Variants in LUM observed in about 807,000 individuals in gnomAD.
The protein encoded by LUM is lumican.
LUM carries 13 observed loss-of-function variants against 20.5 expected under a neutral mutation model. The ratio of observed to expected loss-of-function variants is 0.63; its 90% CI spans 0.41 to 1.01. LUM has a LOEUF of 1.01. Ranked by LOEUF, LUM falls within the 50% of genes least tolerant of loss-of-function variation. The pLI is 0.00. For synonymous variants in LUM, 173 were observed against 151.5 expected (o/e 1.14, Z -1.04); for missense variants, 321 against 391.1 (o/e 0.82, Z 1.51).
At chr12:91,105,269 T>G (rs143833238) in intron 2 of LUM, among the ~76,000 whole-genome samples, 1 of 152,172 alleles carries the variant, frequency 6.6e-6, no homozygotes, top group Non-Finnish European at 1.5e-5. Context: ...TGGGCAACAC[T>G]GGAACACTTA....
chr12:91,106,935 G>A (rs978067804), intron 2 of LUM, among the ~76,000 whole-genome samples: 8 of 151,834 alleles, frequency 5.3e-5, no homozygotes, highest in African/African-American at 1.9e-4. Flanking sequence ...ACTTTGGGAG[G>A]CCAAGGCAGA....
rs761403563 is a variant in LUM, at chr12:91,108,388, T to A, written c.592A>T (p.Arg198Ter). 2 of 1,614,196 alleles carry A rather than the reference T, an allele frequency of 1.2e-6. No homozygotes were observed. Among genetic ancestry groups the A allele is most frequent in the Non-Finnish European group, 1.7e-6 (2 of 1,180,026 alleles). ...GAGACAGGGAGACCAGAAGGCAGTC[T>A]GGCTATCTGATTGAAGCTCAAGTCA... ...YLDLSFNQIA[R>*]LPSGLPVSLL... The change falls in exon 2 of 3, where the codon AGA becomes TGA. Residue 198 changes from arginine (R) to a stop codon, truncating the protein, a stop_gained. Transcript: ENST00000266718. LOFTEE classifies it high-confidence loss of function. This position sits in a 1 kb window ranked among gnomAD's most constrained non-coding sequence, Gnocchi z 4.2.
intron 2 of LUM, among the ~76,000 whole-genome samples, chr12:91,104,934 A>C (rs1879998700): frequency 6.6e-6 from 1 of 152,186 alleles, no homozygotes; most frequent in Admixed American, 6.5e-5. Context: ...TCCATGGTCA[A>C]AAAGCTGCCA....
chr12:91,108,932 G>T lies in LUM; in HGVS notation c.48C>A (p.Thr16=). ...AATCATAATCATAGTACTGGCCACT[G>T]GTACCACCAATCAATGCCAGGAAGA... is the stretch of plus-strand genomic sequence containing the variant. ...FTLFLALIGG[T]SGQYYDYDFP... Residue 16 remains threonine, a synonymous_variant, in exon 2 of 3, where the codon ACC becomes ACA. Coordinates refer to ENST00000266718, the MANE Select transcript of LUM (RefSeq NM_002345.4). This position sits in a 1 kb window ranked among gnomAD's most constrained non-coding sequence, Gnocchi z 4.2. 6.2e-7 allele frequency: 1 copy of T among 1,613,420 alleles called. No homozygotes were observed.
chr12:91,109,553 C>G (rs1455155106), intron 1 of LUM, among the ~76,000 whole-genome samples: 1 of 152,064 alleles, frequency 6.6e-6, no homozygotes, highest in Non-Finnish European at 1.5e-5. Flanking sequence ...GGAAGGAGAA[C>G]AGAATTCTTG....
At chr12:91,104,968 G>T (rs1879999106) in intron 2 of LUM, among the ~76,000 whole-genome samples, 1 of 152,094 alleles carries the variant, frequency 6.6e-6, no homozygotes, top group South Asian at 2.1e-4. Context: ...GACTTACTTT[G>T]TAATAGAAAC....
At position 91,104,025 on chromosome 12, in the gene LUM, TA is replaced by T. The variant is rs1297639625; in HGVS notation, c.*139del. On this transcript the variant is annotated 3_prime_UTR_variant, in exon 3 of 3. Transcript: ENST00000266718. ...ATAGGCCTGCCTTTCATCTTTTCTT[TA>T]AAAAAAATAAATGTTTACAAAACAT... 1.2e-4 allele frequency: 84 copies of T among 693,444 alleles called. 1 individual carries two copies. The highest frequency in any genetic ancestry group is 1.0e-3 in the East Asian group (36 of 35,356). 43.0% of individuals were successfully genotyped at this position (693,444 alleles called of 1,614,324 possible). A position where few individuals can be genotyped will look rare whatever the true frequency, so the allele number is the denominator to read the frequency against.
intron 1 of LUM, among the ~76,000 whole-genome samples, chr12:91,109,634 CTG>C (rs1458929754): frequency 6.6e-6 from 1 of 152,082 alleles, no homozygotes; most frequent in Admixed American, 6.6e-5. Flanking sequence ...CATTGCAAAA[CTG>C]TGTTCTGGAA....
chr12:91,108,455 A>G lies in LUM; in HGVS notation c.525T>C (p.Ala175=). 6.2e-7 allele frequency: 1 copy of G among 1,614,146 alleles called. No homozygotes were observed. Among genetic ancestry groups the G allele is most frequent in the Non-Finnish European group, 8.5e-7 (1 of 1,180,008 alleles). ...HLQHNRLKED[A]VSAAFKGLKS... ...TAAGACCTTTAAAAGCAGCTGAAAC[A>G]GCATCCTCTTTCAGCCGATTGTGCT... The change falls in exon 2 of 3, where the codon GCT becomes GCC. Residue 175 remains alanine, a synonymous_variant. Transcript: ENST00000266718. This position sits in a 1 kb window ranked among gnomAD's most constrained non-coding sequence, Gnocchi z 4.2.
intron 2 of LUM, among the ~76,000 whole-genome samples, chr12:91,106,690 T>TTAAAAAAAAAAAAAAAAAAAAAAAA (rs1880038992): frequency 1.1e-5 from 1 of 90,584 alleles, no homozygotes; most frequent in African/African-American, 4.6e-5. Context: ...ATTTTTCTTC[T>TTAAAAAAAAAAAAAAAAAAAAAAAA]AAAAAAAAAA....
At chr12:91,106,711 A>AAAAAAAAAAAAAC (rs398020575) in intron 2 of LUM, among the ~76,000 whole-genome samples, 1 of 147,052 alleles carries the variant, frequency 6.8e-6, no homozygotes, top group Non-Finnish European at 1.5e-5. Context: ...AAAAAAAAAA[A>AAAAAAAAAAAAAC]GATGTTAGAA....
At chr12:91,110,463 T>C (rs1880179389) in intron 1 of LUM, among the ~76,000 whole-genome samples, 1 of 152,158 alleles carries the variant, frequency 6.6e-6, no homozygotes, top group Non-Finnish European at 1.5e-5. Context: ...AAGATTTTAA[T>C]GGGGGCATTT....
At chr12:91,107,999 C>T in intron 2 of LUM, 119 bp downstream of exon 2, 1 of 1,185,632 alleles carries the variant, frequency 8.4e-7, no homozygotes, top group Non-Finnish European at 1.3e-6. Context: ...AGGAATGAGC[C>T]ACAGCGCCCG....
intron 2 of LUM, among the ~76,000 whole-genome samples, chr12:91,105,871 C>T (rs916380165): frequency 1.1e-4 from 16 of 152,166 alleles, no homozygotes; most frequent in African/African-American, 3.6e-4. Context: ...CCTGCTCTTA[C>T]GAATAATCTC....
intron 2 of LUM, among the ~76,000 whole-genome samples, chr12:91,107,293 G>A (rs1444790328): frequency 1.1e-5 from 1 of 95,118 alleles, no homozygotes; most frequent in African/African-American, 4.2e-5. Context: ...GAAAGAGAAA[G>A]AAAGAAAGAA....
chr12:91,107,301 GAAAGAAAGAA>G (rs1880092371), intron 2 of LUM, among the ~76,000 whole-genome samples: 2 of 108,258 alleles, frequency 1.8e-5, no homozygotes, highest in African/African-American at 3.7e-5. Context: ...AAGAAAGAAA[GAAAGAAAGAA>G]AGAAAGAAAG....
rs1346495955 is a variant in LUM, at chr12:91,103,104, A to G, written c.*1061T>C. 1 of 152,134 alleles carries G rather than the reference A, an allele frequency of 6.6e-6. No individual in the cohort carries two copies. The highest frequency in any genetic ancestry group is 1.5e-5 in the Non-Finnish European group (1 of 67,978). 9.4% of individuals were successfully genotyped at this position (152,134 alleles called of 1,614,324 possible). A position where few individuals can be genotyped will look rare whatever the true frequency, so the allele number is the denominator to read the frequency against. On this transcript the variant is annotated 3_prime_UTR_variant, in exon 3 of 3. Transcript: ENST00000266718. ...GAAAGCTGAAAGCTGTTATTACTGG[A>G]TTATGAACTCAAAACCTATGATCCA...
intron 2 of LUM, among the ~76,000 whole-genome samples, chr12:91,104,963 A>G (rs1051420380): frequency 6.6e-6 from 1 of 152,184 alleles, no homozygotes; most frequent in Non-Finnish European, 1.5e-5. Flanking sequence ...ACACTGACTT[A>G]CTTTGTAATA....
At chr12:91,110,910 GAAAT>G (rs1347667019) in intron 1 of LUM, among the ~76,000 whole-genome samples, 4 of 152,024 alleles carry the variant, frequency 2.6e-5, no homozygotes, top group African/African-American at 4.8e-5. Flanking sequence ...TAACAAAACA[GAAAT>G]AAATAATCCA....
Sources: allele counts gnomAD v4.1 joint callset (sites outside exome capture counted in the v4.1 genomes callset), GRCh38; gene constraint gnomAD v4.1.1; non-coding constraint Gnocchi (gnomAD v3.1); transcripts MANE v1.5; gene names NCBI Gene and HGNC (gene_info 2026-07-23, HGNC 2026-07-21).